The following SSH1 variants were observed in gnomAD, a reference collection of about 807,000 sequenced individuals.
The protein encoded by SSH1 is slingshot protein phosphatase 1.
Under a neutral mutation model 79.7 loss-of-function variants are expected in SSH1, and 43 were observed. That is an observed-to-expected ratio of 0.54 (90% CI 0.42 to 0.70). The LOEUF is 0.70. Among genes scored for constraint, SSH1 ranks in the 30% least tolerant of loss-of-function variants. The pLI, the probability that SSH1 is intolerant of heterozygous loss-of-function variation, is 0.00. For missense variants in SSH1, 1,206 were observed against 1,358.8 expected (o/e 0.89, Z 1.77); for synonymous variants, 599 against 538.3 (o/e 1.11, Z -1.56).
intron 9 of SSH1, among the ~76,000 whole-genome samples, chr12:108,805,548 A>T (rs1025216486): frequency 4.6e-5 from 7 of 152,220 alleles, no homozygotes; most frequent in African/African-American, 1.4e-4. Flanking sequence ...TATGATTTTT[A>T]AAAAATGTAT....
At chr12:108,803,699 C>G (rs1364740135) in intron 10 of SSH1, among the ~76,000 whole-genome samples, 1 of 152,158 alleles carries the variant, frequency 6.6e-6, no homozygotes, top group Non-Finnish European at 1.5e-5. Flanking sequence ...GTGACTGCCA[C>G]CTAGTGGAGA....
At chr12:108,835,353 G>A (rs754563576) in intron 2 of SSH1, among the ~76,000 whole-genome samples, 1 of 152,094 alleles carries the variant, frequency 6.6e-6, no homozygotes, top group Admixed American at 6.6e-5. Context: ...AGAATCACTC[G>A]AACCCAGGAG....
intron 8 of SSH1, among the ~76,000 whole-genome samples, chr12:108,806,621 G>A (rs2037290538): frequency 6.6e-6 from 1 of 152,214 alleles, no homozygotes; most frequent in Non-Finnish European, 1.5e-5. Flanking sequence ...CAAGCGGGGA[G>A]AGGACAGTGT....
chr12:108,791,669 G>A (rs985215231), intron 14 of SSH1, among the ~76,000 whole-genome samples: 2 of 152,140 alleles, frequency 1.3e-5, no homozygotes, highest in African/African-American at 4.8e-5. Flanking sequence ...TGAGGTAGGA[G>A]GATCACTTGA....
chr12:108,793,058 G>C (rs369381680), intron 13 of SSH1, among the ~76,000 whole-genome samples: 3 of 152,234 alleles, frequency 2.0e-5, no homozygotes, highest in East Asian at 1.9e-4. Flanking sequence ...AGCCTGATGT[G>C]ACTTTCTGCC....
In SSH1 at chr12:108,823,350, C is replaced by T. The variant is rs1271732393; in HGVS notation, c.122G>A (p.Ser41Asn). ...GGCTGCGCCTTTCACCATGAAAAAG[C>T]TCTCACTTAAGCTGGGAAGGATAAG... ...DRKLNLSLSE[S>N]FFMVKGAALF... is the part of the protein sequence containing the mutation. Residue 41 changes from serine to asparagine, a missense_variant, in exon 3 of 15, where the codon AGC becomes AAC. By Grantham distance (46) the Ser-to-Asn change is conservative. Coordinates refer to ENST00000326495, the MANE Select transcript of SSH1 (RefSeq NM_018984.4). 3 of 1,570,124 alleles carry T rather than the reference C, an allele frequency of 1.9e-6. No individual in the cohort carries two copies. The highest frequency in any genetic ancestry group is 2.3e-5 in the East Asian group (1 of 43,568).
chr12:108,845,467 C>T (rs555817077), intron 2 of SSH1, among the ~76,000 whole-genome samples: 13 of 152,276 alleles, frequency 8.5e-5, no homozygotes, highest in Non-Finnish European at 1.6e-4. Context: ...GCGGGCAGAT[C>T]ACCTGAGTTC....
chr12:108,812,866 T>C (rs1338779138), intron 5 of SSH1, among the ~76,000 whole-genome samples: 3 of 21,880 alleles, frequency 1.4e-4, no homozygotes, highest in Non-Finnish European at 1.9e-4. Context: ...TTTCTTTTCT[T>C]TTTTTTTTTT....
rs749883144 is a variant in SSH1, at chr12:108,788,274, G to A, written c.2864C>T (p.Thr955Ile). The A allele has an allele frequency of 4.3e-6, 7 of 1,613,574 alleles. No homozygotes were observed. In the African/African-American group the frequency reaches 5.3e-5, roughly 12 times the overall value. ...RGKPGLVKQRTQEIETRLRLA... is the reference protein window; with the variant it reads ...RGKPGLVKQRIQEIETRLRLA... ...CCGGAGCCGGGTCTCAATCTCCTGT[G>A]TCCGCTGCTTCACCAGCCCGGGCTT... Residue 955 changes from threonine (T) to isoleucine (I), a missense_variant, in exon 15 of 15, where the codon ACA becomes ATA. Physicochemically the swap from Thr to Ile is moderately conservative, Grantham distance 89 (BLOSUM62 -1). Transcript: ENST00000326495.
chr12:108,809,854 G>A (rs982212674), intron 6 of SSH1, 96 bp from the exon 7 acceptor site: 33 of 1,027,996 alleles, frequency 3.2e-5, no homozygotes, highest in East Asian at 7.1e-5. Flanking sequence ...CACTGCGCAC[G>A]CTGGGAACAA....
chr12:108,784,305 G>C lies in SSH1; in HGVS notation c.*3683C>G, dbSNP rs1015139007. The C allele has an allele frequency of 2.2e-4, 33 of 152,412 alleles. No homozygotes were observed. The highest frequency in any genetic ancestry group is 7.5e-4 in the African/African-American group (31 of 41,432). The allele number at this position is 152,412 out of a possible 1,614,324, so 9.4% of individuals were successfully genotyped here. A position where few individuals can be genotyped will look rare whatever the true frequency, so the allele number is the denominator to read the frequency against. On this transcript the variant is annotated 3_prime_UTR_variant, in exon 15 of 15. Transcript: ENST00000326495. ...TGCTGCAAACTCTGGACTTCTCCAG[G>C]GGAAAAGGGCTTTAGATTACTGGAA... is the stretch of plus-strand genomic sequence containing the variant.
chr12:108,824,305 G>C (rs1007296738), intron 2 of SSH1, among the ~76,000 whole-genome samples: 2 of 152,030 alleles, frequency 1.3e-5, no homozygotes, highest in African/African-American at 4.8e-5. Flanking sequence ...TTAGCCAGGC[G>C]TGGTGGCACA....
At chr12:108,809,249 T>A (rs2137091568) in intron 7 of SSH1, among the ~76,000 whole-genome samples, 1 of 150,568 alleles carries the variant, frequency 6.6e-6, no homozygotes, top group African/African-American at 2.4e-5. Flanking sequence ...GCCAGGAGTT[T>A]GAGACCAGCC....
chr12:108,813,750 A>AGGGGGG (rs2037744135), intron 5 of SSH1, among the ~76,000 whole-genome samples: 1 of 10,788 alleles, frequency 9.3e-5, no homozygotes, highest in Non-Finnish European at 1.8e-4. Context: ...AGGGAAGGGG[A>AGGGGGG]GGGGAGGGGA....
chr12:108,848,060 G>A (rs933095508), intron 2 of SSH1, among the ~76,000 whole-genome samples: 5 of 152,210 alleles, frequency 3.3e-5, no homozygotes, highest in African/African-American at 9.6e-5. Context: ...AAAGGCACAT[G>A]CGAGAGGGGA....
intron 5 of SSH1, among the ~76,000 whole-genome samples, chr12:108,815,705 C>T (rs946203070): frequency 6.6e-6 from 1 of 152,214 alleles, no homozygotes; most frequent in Non-Finnish European, 1.5e-5. Flanking sequence ...CACATCCGAA[C>T]ACCTCCTATG....
intron 7 of SSH1, among the ~76,000 whole-genome samples, chr12:108,808,525 G>A (rs754254792): frequency 7.2e-5 from 11 of 152,196 alleles, no homozygotes; most frequent in Admixed American, 5.2e-4. Context: ...CTCCTGAAGC[G>A]TGGTAACCCT....
At chr12:108,829,088 G>A (rs968734294) in intron 2 of SSH1, among the ~76,000 whole-genome samples, 5 of 152,190 alleles carry the variant, frequency 3.3e-5, no homozygotes, top group African/African-American at 1.2e-4. Flanking sequence ...AGCACTTTGG[G>A]AGGCTGAGAT....
intron 4 of SSH1, among the ~76,000 whole-genome samples, chr12:108,817,591 A>G (rs1047034008): frequency 1.3e-5 from 2 of 152,070 alleles, no homozygotes; most frequent in African/African-American, 4.8e-5. Flanking sequence ...CAACAACACA[A>G]CAAAACACAA....
Sources: gnomAD v4.1 joint callset for allele counts (sites outside exome capture counted in the v4.1 genomes callset) on GRCh38, gnomAD v4.1.1 for gene constraint, MANE v1.5 for transcripts, NCBI Gene and HGNC (gene_info 2026-07-23, HGNC 2026-07-21) for gene names.